Variants in LY96 observed in about 807,000 individuals in gnomAD.
The protein encoded by LY96 is lymphocyte antigen 96, also known as myeloid differentiation protein-2.
In LY96, 18 loss-of-function variants were observed where a neutral mutation model predicts 18.9. That is an observed-to-expected ratio of 0.95 (90% CI 0.66 to 1.41). LY96 has a LOEUF of 1.41. LY96 is among the 40% of genes most tolerant of loss of function. The pLI is 0.00. For missense variants in LY96, 175 were observed against 182.4 expected (o/e 0.96, Z 0.23); for synonymous variants, 66 against 62.6 (o/e 1.06, Z -0.26).
At chr8:74,045,976 A>C in the LY96 span, among the ~76,000 whole-genome samples, 2 of 152,110 alleles carry the variant, frequency 1.3e-5, no homozygotes, top group African/African-American at 4.8e-5. Flanking sequence ...TGGAGGGATG[A>C]ATGGAAGATG....
intron 1 of LY96, among the ~76,000 whole-genome samples, chr8:73,996,229 CT>C (rs112512079): frequency 1.8e-4 from 27 of 152,270 alleles, no homozygotes; most frequent in African/African-American, 6.0e-4. Context: ...GTCCCAACCC[CT>C]GGGCTCAAGC....
At chr8:74,083,358 G>A in the LY96 span, among the ~76,000 whole-genome samples, 2 of 152,026 alleles carry the variant, frequency 1.3e-5, no homozygotes, top group African/African-American at 4.8e-5. Flanking sequence ...GAGATTACAG[G>A]CGCCCGCCAC....
At chr8:74,082,970 G>A in the LY96 span, among the ~76,000 whole-genome samples, 2 of 152,258 alleles carry the variant, frequency 1.3e-5, no homozygotes, top group Admixed American at 1.3e-4. Flanking sequence ...TGAGGGAAAG[G>A]TGAGAGAGGA....
chr8:73,999,089 GC>G (rs1320571921), intron 1 of LY96, among the ~76,000 whole-genome samples: 2 of 151,850 alleles, frequency 1.3e-5, no homozygotes, highest in Non-Finnish European at 2.9e-5. Flanking sequence ...TCATGCTTCA[GC>G]CTCCTGAGTA....
the LY96 span, among the ~76,000 whole-genome samples, chr8:74,062,717 A>G: frequency 2.6e-5 from 4 of 152,144 alleles, no homozygotes; most frequent in African/African-American, 4.8e-5. Context: ...TATCAATTCA[A>G]TCCTCACAGT....
the LY96 span, among the ~76,000 whole-genome samples, chr8:74,036,803 GCT>G: frequency 1.3e-5 from 2 of 152,176 alleles, no homozygotes; most frequent in African/African-American, 4.8e-5. Flanking sequence ...TACACATTAA[GCT>G]CTCTGAGTAG....
the LY96 span, among the ~76,000 whole-genome samples, chr8:74,092,510 G>A: frequency 6.6e-6 from 1 of 152,080 alleles, no homozygotes; most frequent in Non-Finnish European, 1.5e-5. Context: ...TGACTCCTGG[G>A]CTGCCATTTC....
the LY96 span, among the ~76,000 whole-genome samples, chr8:74,090,570 A>G: frequency 1.3e-5 from 2 of 152,248 alleles, no homozygotes; most frequent in African/African-American, 2.4e-5. Context: ...AATAAATTAC[A>G]TGTCTCAACC....
intron 3 of LY96, 125 bp downstream of exon 3, chr8:74,010,254 T>C (rs1298452783): frequency 1.1e-6 from 1 of 894,452 alleles, no homozygotes; most frequent in Non-Finnish European, 1.7e-6. Flanking sequence ...CATCCAAAGT[T>C]TTTACTTTAG....
chr8:74,013,739 A>G (rs1422001887), intron 3 of LY96, among the ~76,000 whole-genome samples: 1 of 152,190 alleles, frequency 6.6e-6, no homozygotes, highest in Non-Finnish European at 1.5e-5. Context: ...AGCATGTACA[A>G]ACACATCTAG....
At chr8:74,071,159 A>G in the LY96 span, among the ~76,000 whole-genome samples, 280 of 152,266 alleles carry the variant, frequency 1.8e-3, no homozygotes, top group African/African-American at 6.4e-3. Context: ...TATTAGCACC[A>G]TACTATGATG....
the LY96 span, among the ~76,000 whole-genome samples, chr8:74,068,102 A>ATATATATATATAT: frequency 3.6e-5 from 5 of 139,264 alleles, no homozygotes; most frequent in African/African-American, 1.1e-4. Context: ...ATATATATAT[A>ATATATATATATAT]ACATTTCCTT....
chr8:74,040,683 T>C, the LY96 span, among the ~76,000 whole-genome samples: 1 of 151,020 alleles, frequency 6.6e-6, no homozygotes, highest in Non-Finnish European at 1.5e-5. Context: ...TTCTTTTCCA[T>C]TACTCTATGT....
At chr8:74,087,581 C>A in the LY96 span, among the ~76,000 whole-genome samples, 1 of 152,146 alleles carries the variant, frequency 6.6e-6, no homozygotes, top group African/African-American at 2.4e-5. Flanking sequence ...CTCTGGGTGG[C>A]CAAGGTTCAC....
intron 1 of LY96, among the ~76,000 whole-genome samples, chr8:73,992,121 T>C (rs1816016644): frequency 6.6e-6 from 1 of 152,198 alleles, no homozygotes. Context: ...GTGAAGTTTT[T>C]TAGCATAGGG....
At position 74,024,915 on chromosome 8, in the gene LY96, C is replaced by T. The variant is rs558881149; in HGVS notation, c.332-1874C>T. 2.0e-5 allele frequency among the ~76,000 whole-genome samples: 3 copies of T among 152,288 alleles called. No individual in the cohort carries two copies. The East Asian group carries it at 5.8e-4, about 29-fold the overall frequency. ...CGAACACAGCTCACTGTAGCCTCTA[C>T]CTACTGGGATCAAGTGATCCTCCCA... On this transcript the variant is annotated intron_variant, in intron 3 of 4. Transcript: ENST00000284818.
chr8:74,083,184 T>C, the LY96 span, among the ~76,000 whole-genome samples: 4 of 152,182 alleles, frequency 2.6e-5, no homozygotes, highest in African/African-American at 9.7e-5. Flanking sequence ...TATTCCAGCA[T>C]ATATCTCTGA....
In LY96 at chr8:74,004,206, C is replaced by T. The variant is rs868800145; in HGVS notation, c.113-590C>T. ...AGCTAAGATTTTTCATCTTCTCACT[C>T]TGTGCTGAGCAGAGGGGAGGATTAA... is the stretch of plus-strand genomic sequence containing the variant. On this transcript the variant is annotated intron_variant, in intron 1 of 4. Transcript: ENST00000284818. Among the ~76,000 whole-genome samples, 14 of 152,336 alleles carry T rather than the reference C, an allele frequency of 9.2e-5. No individual in the cohort carries two copies. The South Asian group carries it at 2.9e-3, about 32-fold the overall frequency.
chr8:74,038,740 A>G, the LY96 span, among the ~76,000 whole-genome samples: 255 of 152,230 alleles, frequency 1.7e-3, no homozygotes, highest in Middle Eastern at 3.4e-3. Flanking sequence ...TAAATGTACC[A>G]TATTTTCTTT....
Sources: allele counts gnomAD v4.1 joint callset (sites outside exome capture counted in the v4.1 genomes callset), GRCh38; gene constraint gnomAD v4.1.1; transcripts MANE v1.5; gene names NCBI Gene and HGNC (gene_info 2026-07-23, HGNC 2026-07-21).